Variants in CNTNAP5 observed in about 807,000 individuals in gnomAD.
CNTNAP5 encodes the protein contactin associated protein family member 5.
A neutral mutation model predicts 150.2 loss-of-function variants in CNTNAP5; 72 were observed. The ratio of observed to expected loss-of-function variants is 0.48; its 90% CI spans 0.40 to 0.58. The LOEUF (loss-of-function observed/expected upper bound fraction) is 0.58, where lower values mean the gene tolerates loss of function less well. Ranked by LOEUF, CNTNAP5 falls within the 20% of genes least tolerant of loss-of-function variation. CNTNAP5 has a pLI of 0.00. For synonymous variants in CNTNAP5, 672 were observed against 619.8 expected (o/e 1.08, Z -1.25); for missense variants, 1,636 against 1,626.2 (o/e 1.01, Z -0.10).
intron 12 of CNTNAP5, among the ~76,000 whole-genome samples, chr2:124,611,210 A>G (rs1260194203): frequency 6.6e-6 from 1 of 152,192 alleles, no homozygotes. Flanking sequence ...TACAGAGGGT[A>G]TGAAAAGTAA....
At chr2:124,510,872 A>G (rs1008085051) in intron 8 of CNTNAP5, among the ~76,000 whole-genome samples, 5 of 152,262 alleles carry the variant, frequency 3.3e-5, no homozygotes, top group African/African-American at 1.2e-4. Flanking sequence ...CCTTATCTGA[A>G]AATCCATTTA....
intron 13 of CNTNAP5, among the ~76,000 whole-genome samples, chr2:124,735,912 T>G (rs778407972): frequency 3.9e-5 from 6 of 152,160 alleles, no homozygotes; most frequent in Non-Finnish European, 5.9e-5. Context: ...GTTTGTAAAC[T>G]GAAATGGCAG....
intron 20 of CNTNAP5, among the ~76,000 whole-genome samples, chr2:124,866,564 G>A (rs973574378): frequency 6.6e-6 from 1 of 152,078 alleles, no homozygotes; most frequent in African/African-American, 2.4e-5. Flanking sequence ...ATGAGTAGGA[G>A]TTGGCCACAG....
chr2:124,548,127 T>C (rs1695553706), intron 10 of CNTNAP5, among the ~76,000 whole-genome samples: 1 of 152,178 alleles, frequency 6.6e-6, no homozygotes, highest in Non-Finnish European at 1.5e-5. Flanking sequence ...AAAACATTAA[T>C]TGTGGAAGGA....
At chr2:124,661,134 C>T (rs1678580784) in intron 13 of CNTNAP5, among the ~76,000 whole-genome samples, 1 of 151,940 alleles carries the variant, frequency 6.6e-6, no homozygotes, top group Admixed American at 6.6e-5. Context: ...CACACTTAGG[C>T]TACACTACAT....
intron 19 of CNTNAP5, among the ~76,000 whole-genome samples, chr2:124,801,478 T>C (rs1286850507): frequency 3.9e-5 from 6 of 152,206 alleles, no homozygotes; most frequent in Non-Finnish European, 8.8e-5. Context: ...TCTTTGCCAT[T>C]GGAGGTCCTC....
Position 124,851,146 on chromosome 2 carries a change from C to T in CNTNAP5, c.3218-14160C>T, listed in dbSNP as rs557630997. Among the ~76,000 whole-genome samples the T allele has an allele frequency of 3.9e-5, 6 of 152,226 alleles. No homozygotes were observed. The East Asian group carries it at 1.2e-3, about 30-fold the overall frequency. ...TTGGGAGGCCGAGGCAGGTGGGCCA[C>T]CTGAGGTCAGGAGTTCAAGACCAGC... On this transcript the variant is annotated intron_variant, in intron 19 of 23. Transcript: ENST00000682447.
intron 3 of CNTNAP5, among the ~76,000 whole-genome samples, chr2:124,307,687 A>C (rs62170989): frequency 0.25 from 38,058 of 152,094 alleles, 5,022 homozygotes; most frequent in Non-Finnish European, 0.29. Context: ...ATGCAAACTG[A>C]AGGTGAAGGA....
At chr2:124,857,507 C>T (rs1267665275) in intron 19 of CNTNAP5, among the ~76,000 whole-genome samples, 1 of 151,844 alleles carries the variant, frequency 6.6e-6, no homozygotes, top group Non-Finnish European at 1.5e-5. Context: ...TGGCATGCCA[C>T]CCTTGGGATT....
At chr2:124,787,516 G>C (rs1681624736) in intron 17 of CNTNAP5, among the ~76,000 whole-genome samples, 1 of 151,966 alleles carries the variant, frequency 6.6e-6, no homozygotes, top group African/African-American at 2.4e-5. Context: ...CAGAATGCAA[G>C]ACGAGATCTA....
In CNTNAP5 at chr2:124,194,366, C is replaced by CAT. The variant is rs1189694569; in HGVS notation, c.83-27295_83-27294dup. 1.5e-3 allele frequency among the ~76,000 whole-genome samples: 154 copies of CAT among 101,132 alleles called. 1 individual carries two copies. The highest frequency in any genetic ancestry group is 5.6e-3 in the African/African-American group (136 of 24,084). 66.3% of individuals were successfully genotyped at this position (101,132 alleles called of 152,430 possible). Reference sequence around the variant, plus strand: ...CACATAGCACAGGTATAAATTAGGTCATATATATATATATATATATATATA... The same window carrying CAT: ...CACATAGCACAGGTATAAATTAGGTCATATATATATATATATATATATATATA... On this transcript the variant is annotated intron_variant, in intron 1 of 23. Coordinates refer to ENST00000682447, the MANE Select transcript of CNTNAP5 (RefSeq NM_001367498.1).
intron 1 of CNTNAP5, among the ~76,000 whole-genome samples, chr2:124,216,704 A>G (rs942615575): frequency 9.9e-5 from 15 of 152,106 alleles, no homozygotes; most frequent in Admixed American, 2.6e-4. Flanking sequence ...CCATGTCCCT[A>G]CAAAGGACAT....
Position 124,719,923 on chromosome 2 carries a change from T to C in CNTNAP5, c.2078-27306T>C, listed in dbSNP as rs991755858. ...GGCTCAGTGGTCCTAGTCTTGGTAG[T>C]AGATGATTTATTTTGCCTAAAACAG... On this transcript the variant is annotated intron_variant, in intron 13 of 23. Transcript: ENST00000682447. Among the ~76,000 whole-genome samples the C allele has an allele frequency of 3.3e-5, 5 of 152,136 alleles. No individual in the cohort carries two copies. The East Asian group carries it at 9.7e-4, about 29-fold the overall frequency.
chr2:124,348,649 C>T (rs1490189405), intron 3 of CNTNAP5, among the ~76,000 whole-genome samples: 1 of 152,118 alleles, frequency 6.6e-6, no homozygotes, highest in Admixed American at 6.5e-5. Flanking sequence ...CCATCAGTAA[C>T]ATCCAATTTG....
At chr2:124,653,137 G>A (rs1678357501) in intron 13 of CNTNAP5, among the ~76,000 whole-genome samples, 1 of 152,108 alleles carries the variant, frequency 6.6e-6, no homozygotes, top group Admixed American at 6.5e-5. Context: ...GTAACATGCT[G>A]GTTAAAAGCC....
intron 12 of CNTNAP5, among the ~76,000 whole-genome samples, chr2:124,641,461 A>C (rs767313049): frequency 3.9e-5 from 6 of 152,182 alleles, no homozygotes; most frequent in Admixed American, 2.6e-4. Flanking sequence ...TTAAATGGAG[A>C]GATAAGGGAG....
At chr2:124,511,791 G>T (rs779873481) in intron 8 of CNTNAP5, among the ~76,000 whole-genome samples, 2 of 152,152 alleles carry the variant, frequency 1.3e-5, no homozygotes, top group Non-Finnish European at 2.9e-5. Flanking sequence ...GCACTTTGTG[G>T]AGTCAGAAAA....
At chr2:124,818,885 G>A (rs780107514) in intron 19 of CNTNAP5, among the ~76,000 whole-genome samples, 1 of 152,066 alleles carries the variant, frequency 6.6e-6, no homozygotes, top group African/African-American at 2.4e-5. Flanking sequence ...CTGGCTCATC[G>A]ACCTTCTCAT....
At chr2:124,124,242 G>A (rs1683633118) in intron 1 of CNTNAP5, among the ~76,000 whole-genome samples, 1 of 152,236 alleles carries the variant, frequency 6.6e-6, no homozygotes, top group South Asian at 2.1e-4. Flanking sequence ...TGAAAATCAT[G>A]GCACGAGAAC....
Sources: allele counts gnomAD v4.1 joint callset (sites outside exome capture counted in the v4.1 genomes callset), GRCh38; gene constraint gnomAD v4.1.1; transcripts MANE v1.5; gene names NCBI Gene and HGNC (gene_info 2026-07-23, HGNC 2026-07-21).